The following GATAD2A variants were observed in gnomAD, a reference collection of about 807,000 sequenced individuals.
GATAD2A encodes transcriptional repressor p66-alpha.
In GATAD2A, 12 loss-of-function variants were observed where a neutral mutation model predicts 68.5. The ratio of observed to expected loss-of-function variants is 0.18; its 90% confidence interval spans 0.11 to 0.28. The LOEUF (loss-of-function observed/expected upper bound fraction) is 0.28, where lower values mean the gene tolerates loss of function less well. Among genes scored for constraint, GATAD2A ranks in the 10% least tolerant of loss-of-function variants. The pLI, the probability that GATAD2A is intolerant of heterozygous loss-of-function variation, is 1.00. For missense variants in GATAD2A, 755 were observed against 868.5 expected, an observed-to-expected ratio of 0.87 and a Z score of 1.64; for synonymous variants, 410 against 375.3, an observed-to-expected ratio of 1.09 and a Z score of -1.07.
At chr19:19,497,978 T>C (rs2148456856) in intron 7 of GATAD2A, among the ~76,000 whole-genome samples, 1 of 152,232 alleles carries the variant, frequency 6.6e-6, no homozygotes, top group African/African-American at 2.4e-5. Context: ...ACCTCAAACA[T>C]TAGCATCCCA....
chr19:19,468,008 C>G (rs370941586), intron 2 of GATAD2A, among the ~76,000 whole-genome samples: 1 of 152,306 alleles, frequency 6.6e-6, no homozygotes, highest in African/African-American at 2.4e-5. Flanking sequence ...AGGGCAACTT[C>G]TGGTTGTGTT....
chr19:19,453,415 T>G (rs892333689), intron 1 of GATAD2A, among the ~76,000 whole-genome samples: 4 of 152,238 alleles, frequency 2.6e-5, no homozygotes, highest in African/African-American at 9.6e-5. Flanking sequence ...CATAGCACTT[T>G]TTGAAACTAA....
At chr19:19,411,814 A>C (rs1037608306) in intron 1 of GATAD2A, among the ~76,000 whole-genome samples, 1 of 152,216 alleles carries the variant, frequency 6.6e-6, no homozygotes, top group Non-Finnish European at 1.5e-5. Context: ...TTCTCCCCCC[A>C]GATGTCAACT....
intron 7 of GATAD2A, among the ~76,000 whole-genome samples, chr19:19,496,985 G>A (rs1300956985): frequency 6.6e-6 from 1 of 152,202 alleles, no homozygotes; most frequent in African/African-American, 2.4e-5. Flanking sequence ...CAGAGAAGAT[G>A]GCTAGTCCTG....
At chr19:19,471,549 A>G (rs532739678) in intron 2 of GATAD2A, among the ~76,000 whole-genome samples, 1 of 152,172 alleles carries the variant, frequency 6.6e-6, no homozygotes, top group Non-Finnish European at 1.5e-5. Flanking sequence ...TTAACAACAC[A>G]TGGGCACGTT....
In GATAD2A at chr19:19,488,580, G is replaced by A. The variant is rs77653002; in HGVS notation, c.270-3726G>A. 8.2e-3 allele frequency among the ~76,000 whole-genome samples: 1,255 copies of A among 152,304 alleles called. 4 individuals carry two copies. The highest frequency in any genetic ancestry group is 0.011 in the Non-Finnish European group (765 of 68,020). ...AACCTTTTGCTGTGGAAGTGGGATCGTGTCTCAATTTAAGTTTATAATCCC... is the reference window on the plus strand; with the variant it reads ...AACCTTTTGCTGTGGAAGTGGGATCATGTCTCAATTTAAGTTTATAATCCC... On this transcript the variant is annotated intron_variant, in intron 2 of 11. Coordinates refer to ENST00000683918, the MANE Select transcript of GATAD2A (RefSeq NM_001384528.1).
intron 1 of GATAD2A, among the ~76,000 whole-genome samples, chr19:19,410,735 C>T (rs2050818510): frequency 6.6e-6 from 1 of 152,188 alleles, no homozygotes; most frequent in Non-Finnish European, 1.5e-5. Context: ...TATTGCTGAG[C>T]AGCCTGTCTC....
intron 1 of GATAD2A, among the ~76,000 whole-genome samples, chr19:19,445,045 T>A (rs754741863): frequency 2.0e-5 from 3 of 152,106 alleles, no homozygotes; most frequent in Non-Finnish European, 4.4e-5. Context: ...TGGTGAATTC[T>A]CCCTTATGTG....
At chr19:19,476,594 G>A (rs1252684960) in intron 2 of GATAD2A, among the ~76,000 whole-genome samples, 2 of 152,230 alleles carry the variant, frequency 1.3e-5, no homozygotes, top group Non-Finnish European at 2.9e-5. Context: ...TGGAGGCTAC[G>A]GGGCGGCTTC....
At chr19:19,388,982 A>T (rs942491911) in intron 1 of GATAD2A, among the ~76,000 whole-genome samples, 3 of 152,106 alleles carry the variant, frequency 2.0e-5, no homozygotes, top group Non-Finnish European at 4.4e-5. Context: ...GAGGCAAGGG[A>T]CAGGATTTGA....
intron 2 of GATAD2A, among the ~76,000 whole-genome samples, chr19:19,490,737 T>A (rs2059738164): frequency 6.6e-6 from 1 of 151,706 alleles, no homozygotes; most frequent in Non-Finnish European, 1.5e-5. Context: ...AAAAAAAAAA[T>A]TAGCCCGGCA....
intron 1 of GATAD2A, among the ~76,000 whole-genome samples, chr19:19,416,479 G>C (rs1754610146): frequency 2.0e-5 from 3 of 152,268 alleles, no homozygotes; most frequent in South Asian, 2.1e-4. Context: ...TACAGAGGGG[G>C]TTACTCTTAC....
intron 1 of GATAD2A, among the ~76,000 whole-genome samples, chr19:19,414,715 T>G (rs2051375083): frequency 6.6e-6 from 1 of 150,544 alleles, no homozygotes; most frequent in African/African-American, 2.4e-5. Context: ...TTTTTTTTTT[T>G]GTAGAGATGG....
chr19:19,466,503 G>C (rs2057878163), intron 2 of GATAD2A, among the ~76,000 whole-genome samples: 1 of 152,232 alleles, frequency 6.6e-6, no homozygotes, highest in South Asian at 2.1e-4. Context: ...GTTCATAAGG[G>C]ACAGCTGGTG....
chr19:19,477,033 T>C (rs1199976386), intron 2 of GATAD2A, among the ~76,000 whole-genome samples: 1 of 152,136 alleles, frequency 6.6e-6, no homozygotes, highest in South Asian at 2.1e-4. Flanking sequence ...TGCCCCCACT[T>C]TGTGAATGCC....
At chr19:19,396,546 C>T (rs1227524551) in intron 1 of GATAD2A, among the ~76,000 whole-genome samples, 1 of 152,152 alleles carries the variant, frequency 6.6e-6, no homozygotes, top group Non-Finnish European at 1.5e-5. Context: ...TTACTGTACT[C>T]TCCATATGGA....
chr19:19,439,762 C>T (rs1202342121), intron 1 of GATAD2A, among the ~76,000 whole-genome samples: 3 of 152,044 alleles, frequency 2.0e-5, no homozygotes, highest in South Asian at 2.1e-4. Context: ...GCAGGAGAAT[C>T]GCTTGAACCC....
At chr19:19,418,533 G>A (rs992294510) in intron 1 of GATAD2A, among the ~76,000 whole-genome samples, 1 of 152,194 alleles carries the variant, frequency 6.6e-6, no homozygotes, top group African/African-American at 2.4e-5. Context: ...GAGGTATCGG[G>A]AAGAGGCTCA....
At chr19:19,488,376 GGAATGAAT>G (rs569453196) in intron 2 of GATAD2A, among the ~76,000 whole-genome samples, 1 of 152,202 alleles carries the variant, frequency 6.6e-6, no homozygotes, top group Non-Finnish European at 1.5e-5. Context: ...GCAGATGTAA[GGAATGAAT>G]GAATGAATGA....
Sources: gnomAD v4.1 joint callset for allele counts (sites outside exome capture counted in the v4.1 genomes callset) on GRCh38, gnomAD v4.1.1 for gene constraint, MANE v1.5 for transcripts, NCBI Gene and HGNC (gene_info 2026-07-23, HGNC 2026-07-21) for gene names.